The following BTBD16 variants were observed in gnomAD, a reference collection of about 807,000 sequenced individuals.
BTBD16 encodes the protein BTB/POZ domain-containing protein 16.
In BTBD16, 66 loss-of-function variants were observed where a neutral mutation model predicts 67.4. The ratio of observed to expected loss-of-function variants is 0.98; its 90% CI spans 0.80 to 1.20. BTBD16 has a LOEUF of 1.20. BTBD16 is among the 50% of genes most tolerant of loss of function. The pLI is 0.00. For missense variants in BTBD16, 634 were observed against 616.0 expected (o/e 1.03, Z -0.31); for synonymous variants, 242 against 236.4 (o/e 1.02, Z -0.22).
rs1327920442 is a variant in BTBD16 at position 122,283,376 on chromosome 10, C to T, written c.168-475C>T. Among the ~76,000 whole-genome samples, 88 of 152,262 alleles carry T rather than the reference C, an allele frequency of 5.8e-4. 1 individual carries two copies. The highest frequency in any genetic ancestry group is 3.2e-4 in the Non-Finnish European group (22 of 68,034). ...GGTGCCATTTCCTGAAATGAGAATC[C>T]GAGTGAGCAGGGTAGGATTTGGGGT... is the stretch of plus-strand genomic sequence containing the variant. On this transcript the variant is annotated intron_variant, in intron 3 of 15. Transcript: ENST00000260723.
At chr10:122,275,019 T>A in intron 1 of BTBD16, 21 bp from the exon 2 acceptor site, 1 of 1,571,746 alleles carries the variant, frequency 6.4e-7, no homozygotes, top group Non-Finnish European at 8.8e-7. Flanking sequence ...AAATGTCACC[T>A]TTACCTCTTT....
At chr10:122,286,525 A>C (rs539086853) in intron 5 of BTBD16, among the ~76,000 whole-genome samples, 2 of 152,220 alleles carry the variant, frequency 1.3e-5, no homozygotes, top group East Asian at 3.9e-4. Context: ...CATGCCAGTT[A>C]TTATCTTTGT....
chr10:122,297,778 G>A lies in BTBD16; in HGVS notation c.601G>A (p.Val201Met). The A allele has an allele frequency of 6.2e-7, 1 of 1,614,188 alleles. No individual in the cohort carries two copies. Among genetic ancestry groups the A allele is most frequent in the Non-Finnish European group, 8.5e-7 (1 of 1,180,038 alleles). ...GTTCTCTCTCTCCAGGTGCGTGGAT[G>A]TGATGATAGCCAGACTCAAGCCAAG... is the stretch of plus-strand genomic sequence containing the variant. ...FSGLFQRCVD[V>M]MIARLKPSTI... Residue 201 changes from valine to methionine, a missense_variant, in exon 8 of 16, where the codon GTG becomes ATG. Physicochemically the swap from Val to Met is conservative, Grantham distance 21. Transcript: ENST00000260723.
chr10:122,327,166 T>G (rs958805374), intron 10 of BTBD16, among the ~76,000 whole-genome samples: 2 of 152,180 alleles, frequency 1.3e-5, no homozygotes, highest in African/African-American at 2.4e-5. Context: ...TATTGATCAG[T>G]TCTGAGGGTG....
At chr10:122,334,088 A>G (rs1050813314) in intron 13 of BTBD16, among the ~76,000 whole-genome samples, 1 of 151,896 alleles carries the variant, frequency 6.6e-6, no homozygotes. Flanking sequence ...AGCTTTCCCC[A>G]TGTTTCCTAG....
Position 122,276,833 on chromosome 10 carries a change from CG to C in BTBD16, c.63del (p.Trp22GlyfsTer22). The C allele has an allele frequency of 6.2e-7, 1 of 1,614,244 alleles. No individual in the cohort carries two copies. The highest frequency in any genetic ancestry group is 8.5e-7 in the Non-Finnish European group (1 of 1,180,038). ...LERRVTGSTN[R>X]WRLPKQPFSG... The stretch of plus-strand genomic sequence containing the variant: ...ACGCCGGGTCACTGGCTCAACCAAC[CG>C]GTGGCGTTTGCCCAAACAGCCTTTC... On this transcript the variant is annotated frameshift_variant, in exon 3 of 16. Transcript: ENST00000260723. LOFTEE classifies it high-confidence loss of function.
intron 10 of BTBD16, among the ~76,000 whole-genome samples, chr10:122,320,906 A>G (rs1276349510): frequency 6.6e-6 from 1 of 152,106 alleles, no homozygotes; most frequent in African/African-American, 2.4e-5. Flanking sequence ...GGTCTGTTAC[A>G]TGGATATATT....
intron 10 of BTBD16, among the ~76,000 whole-genome samples, chr10:122,322,432 A>T (rs1376397424): frequency 6.6e-6 from 1 of 152,126 alleles, no homozygotes; most frequent in Non-Finnish European, 1.5e-5. Flanking sequence ...GGGTGGAGAA[A>T]GTGAGGAGGC....
intron 7 of BTBD16, among the ~76,000 whole-genome samples, chr10:122,295,734 C>G (rs1212728698): frequency 6.6e-6 from 1 of 152,128 alleles, no homozygotes; most frequent in Non-Finnish European, 1.5e-5. Flanking sequence ...GGGATGACAG[C>G]AGCGCCTCAT....
At chr10:122,318,877 C>T (rs1275962772) in intron 10 of BTBD16, among the ~76,000 whole-genome samples, 1 of 152,224 alleles carries the variant, frequency 6.6e-6, no homozygotes, top group Non-Finnish European at 1.5e-5. Flanking sequence ...TTCATTTGCT[C>T]CACATCCTTG....
intron 2 of BTBD16, among the ~76,000 whole-genome samples, chr10:122,276,334 A>G (rs2096340431): frequency 6.6e-6 from 1 of 152,230 alleles, no homozygotes; most frequent in Non-Finnish European, 1.5e-5. Flanking sequence ...AATGCCACCA[A>G]ATTGTACACT....
rs1564962483 is a variant in BTBD16 at position 122,286,133 on chromosome 10, A to G, written c.270A>G (p.Lys90=). Residue 90 remains lysine (K), a synonymous_variant, in exon 5 of 16, where the codon AAA becomes AAG. Transcript: ENST00000260723. ...TGATTCTCGAGTGCCTGGGCTTCAA[A>G]TGGGAGCTCCATCAGCCCCAGCTTT... is the stretch of plus-strand genomic sequence containing the variant. ...ADVILECLGF[K]WELHQPQLFQ... is the part of the protein sequence containing the mutation. 2.5e-6 allele frequency: 4 copies of G among 1,613,762 alleles called. No individual in the cohort carries two copies. Among genetic ancestry groups the G allele is most frequent in the Non-Finnish European group, 1.7e-6 (2 of 1,179,774 alleles).
chr10:122,275,256 G>T (rs1009891855), intron 2 of BTBD16, among the ~76,000 whole-genome samples, 157 bp downstream of exon 2: 2 of 152,046 alleles, frequency 1.3e-5, no homozygotes, highest in African/African-American at 4.8e-5. Context: ...AGGCAGCACC[G>T]TCCAGAGGGC....
At chr10:122,274,524 T>G (rs2096336187) in intron 1 of BTBD16, among the ~76,000 whole-genome samples, 1 of 152,176 alleles carries the variant, frequency 6.6e-6, no homozygotes, top group African/African-American at 2.4e-5. Context: ...TCAAATGGGT[T>G]TCTGTTGCTT....
intron 3 of BTBD16, 128 bp downstream of exon 3, chr10:122,277,067 C>G: frequency 9.3e-7 from 1 of 1,069,710 alleles, no homozygotes. Flanking sequence ...AAGGCTCCCT[C>G]TGGAGCCAGC....
chr10:122,291,522 A>C (rs1243767137), intron 7 of BTBD16: 1 of 213,584 alleles, frequency 4.7e-6, no homozygotes, highest in African/African-American at 2.3e-5. Context: ...CTTGCTTATC[A>C]ATTTCACCTC....
At chr10:122,325,955 C>T (rs1464190917) in intron 10 of BTBD16, among the ~76,000 whole-genome samples, 5 of 151,866 alleles carry the variant, frequency 3.3e-5, no homozygotes, top group Admixed American at 2.6e-4. Flanking sequence ...GGATTACAGG[C>T]GTGAGCCACT....
At chr10:122,327,811 C>A (rs1024251544) in intron 10 of BTBD16, among the ~76,000 whole-genome samples, 4 of 152,200 alleles carry the variant, frequency 2.6e-5, no homozygotes, top group African/African-American at 4.8e-5. Context: ...TTCCTCTTGC[C>A]CCTGCCAGCA....
chr10:122,299,340 G>A (rs2096389759), intron 9 of BTBD16, among the ~76,000 whole-genome samples: 1 of 152,094 alleles, frequency 6.6e-6, no homozygotes. Context: ...CCTTCTTGTG[G>A]GTAGGAACCC....
Sources: allele counts gnomAD v4.1 joint callset (sites outside exome capture counted in the v4.1 genomes callset), GRCh38; gene constraint gnomAD v4.1.1; transcripts MANE v1.5; gene names NCBI Gene and HGNC (gene_info 2026-07-23, HGNC 2026-07-21).